NOSTRIN: variants seen among roughly 807,000 people sequenced by gnomAD.
NOSTRIN encodes the protein nitric oxide synthase trafficking.
NOSTRIN carries 63 observed loss-of-function variants against 59.0 expected under a neutral mutation model. The ratio of observed to expected loss-of-function variants is 1.07; its 90% confidence interval spans 0.87 to 1.32. The LOEUF (loss-of-function observed/expected upper bound fraction) is 1.32, where lower values mean the gene tolerates loss of function less well. Among genes scored for constraint, NOSTRIN ranks in the 40% most tolerant of loss-of-function variants. NOSTRIN has a pLI of 0.00. For missense variants in NOSTRIN, 512 were observed against 473.1 expected, an observed-to-expected ratio of 1.08 and a Z score of -0.76; for synonymous variants, 200 against 165.4, an observed-to-expected ratio of 1.21 and a Z score of -1.61.
intron 5 of NOSTRIN, among the ~76,000 whole-genome samples, chr2:168,828,883 C>A (rs1477205832): frequency 6.6e-6 from 1 of 151,866 alleles, no homozygotes; most frequent in Non-Finnish European, 1.5e-5. Flanking sequence ...CTAATTTATA[C>A]AATCTCAACT....
At chr2:168,834,507 G>GCGCGCGCGCGCGCACACACACACACA (rs756381301) in intron 7 of NOSTRIN, among the ~76,000 whole-genome samples, 182 bp downstream of exon 7, 3 of 125,342 alleles carry the variant, frequency 2.4e-5, no homozygotes, top group Non-Finnish European at 3.3e-5. Context: ...GCGCGCGCGC[G>GCGCGCGCGCGCGCACACACACACACA]CACACACACA....
At chr2:168,798,691 A>G (rs761423516), upstream of NOSTRIN, among the ~76,000 whole-genome samples, 1 of 152,164 alleles carries the variant, frequency 6.6e-6, no homozygotes, top group Admixed American at 6.5e-5. Flanking sequence ...GCGGGTCAGA[A>G]ATGTAGGACC....
intron 15 of NOSTRIN, among the ~76,000 whole-genome samples, chr2:168,862,655 T>G (rs1689538508): frequency 6.6e-6 from 1 of 152,342 alleles, no homozygotes; most frequent in East Asian, 1.9e-4. Context: ...GAGATCCCCT[T>G]CTTTGTGTCA....
At chr2:168,837,433 C>A (rs896267083) in intron 7 of NOSTRIN, among the ~76,000 whole-genome samples, 18 of 151,076 alleles carry the variant, frequency 1.2e-4, no homozygotes, top group African/African-American at 3.7e-4. Flanking sequence ...CCTCAGCCTC[C>A]CGAGTAGCTG....
upstream of NOSTRIN, among the ~76,000 whole-genome samples, chr2:168,798,950 G>A (rs897842238): frequency 6.6e-6 from 1 of 152,074 alleles, no homozygotes; most frequent in African/African-American, 2.4e-5. Flanking sequence ...CTCAAGTCTT[G>A]CTCTGCCTCC....
At chr2:168,802,188 C>A (rs1685634776), upstream of NOSTRIN, among the ~76,000 whole-genome samples, 1 of 152,002 alleles carries the variant, frequency 6.6e-6, no homozygotes, top group Admixed American at 6.6e-5. Context: ...ATTAGCTAAC[C>A]CTCAGAGAGG....
chr2:168,807,718 G>T (rs550321084), intron 1 of NOSTRIN, among the ~76,000 whole-genome samples: 1 of 152,276 alleles, frequency 6.6e-6, no homozygotes, highest in Admixed American at 6.5e-5. Context: ...GCAGAGTATG[G>T]CTGGGAGCGA....
intron 1 of NOSTRIN, among the ~76,000 whole-genome samples, chr2:168,806,183 G>A (rs16855906): frequency 0.016 from 2,467 of 152,190 alleles, 82 homozygotes; most frequent in African/African-American, 0.056. Flanking sequence ...AGTGCCTGGC[G>A]TAGTAAAGGC....
chr2:168,818,308 T>G (rs553427972), intron 2 of NOSTRIN: 1 of 313,728 alleles, frequency 3.2e-6, no homozygotes, highest in Non-Finnish European at 6.6e-6. Context: ...TGTGTGCCAC[T>G]GCTCTGGGCT....
upstream of NOSTRIN, among the ~76,000 whole-genome samples, chr2:168,795,242 C>T (rs149568681): frequency 7.2e-5 from 11 of 152,302 alleles, no homozygotes; most frequent in East Asian, 1.7e-3. Context: ...GAGACTAAAA[C>T]GACTCTATAC....
At chr2:168,830,369 TAA>T (rs1687294133) in intron 5 of NOSTRIN, among the ~76,000 whole-genome samples, 1 of 152,162 alleles carries the variant, frequency 6.6e-6, no homozygotes, top group African/African-American at 2.4e-5. Flanking sequence ...TCACAAAATA[TAA>T]AAGATTAGAT....
chr2:168,851,520 A>T, intron 10 of NOSTRIN, 116 bp downstream of exon 10: 1 of 1,405,926 alleles, frequency 7.1e-7, no homozygotes. Context: ...ATGATTTCTC[A>T]TACCCCATAT....
chr2:168,824,767 T>TG (rs753841280), intron 3 of NOSTRIN, 50 bp downstream of exon 3: 12 of 775,370 alleles, frequency 1.5e-5, no homozygotes, highest in East Asian at 2.7e-5. Context: ...TTTTATTTGT[T>TG]TTTTGTTTGT....
intron 10 of NOSTRIN, among the ~76,000 whole-genome samples, chr2:168,854,304 G>A (rs1283546196): frequency 6.6e-6 from 1 of 152,114 alleles, no homozygotes; most frequent in Admixed American, 6.5e-5. Flanking sequence ...TCCATCTAAA[G>A]GTAATCTCTC....
intron 7 of NOSTRIN, among the ~76,000 whole-genome samples, 178 bp downstream of exon 7, chr2:168,834,503 GCGCGCACACA>G (rs1687578303): frequency 8.4e-6 from 1 of 119,740 alleles, no homozygotes; most frequent in African/African-American, 2.9e-5. Flanking sequence ...GCGCGCGCGC[GCGCGCACACA>G]CACACACACA....
intron 2 of NOSTRIN, among the ~76,000 whole-genome samples, chr2:168,820,591 C>T (rs527872724): frequency 6.6e-6 from 1 of 152,030 alleles, no homozygotes; most frequent in East Asian, 1.9e-4. Flanking sequence ...TTCTAAGGTA[C>T]TTGTCTGTAA....
chr2:168,816,890 A>C (rs1288383883), intron 2 of NOSTRIN, among the ~76,000 whole-genome samples: 1 of 152,184 alleles, frequency 6.6e-6, no homozygotes, highest in African/African-American at 2.4e-5. Flanking sequence ...CCTTGAAGGC[A>C]CTCATAACGT....
intron 2 of NOSTRIN, among the ~76,000 whole-genome samples, chr2:168,822,512 G>A (rs1223034660): frequency 6.6e-6 from 1 of 152,080 alleles, no homozygotes; most frequent in Non-Finnish European, 1.5e-5. Context: ...CTGCCCAAAT[G>A]AAATAACATA....
At chr2:168,849,458 C>T (rs918741584) in intron 8 of NOSTRIN, among the ~76,000 whole-genome samples, 4 of 151,936 alleles carry the variant, frequency 2.6e-5, no homozygotes, top group African/African-American at 9.7e-5. Flanking sequence ...CAGGTCCAAG[C>T]GATTCTCCTG....
Sources: allele counts gnomAD v4.1 joint callset (sites outside exome capture counted in the v4.1 genomes callset), GRCh38; gene constraint gnomAD v4.1.1; transcripts MANE v1.5; gene names NCBI Gene and HGNC (gene_info 2026-07-23, HGNC 2026-07-21).